AHI1: variants seen among roughly 807,000 people sequenced by gnomAD.
AHI1 encodes the protein jouberin.
Under a neutral mutation model 149.3 loss-of-function variants are expected in AHI1, and 123 were observed. That is an observed-to-expected ratio of 0.82 (90% CI 0.71 to 0.96). AHI1 has a LOEUF of 0.96. Among genes scored for constraint, AHI1 ranks in the 40% least tolerant of loss-of-function variants. The pLI is 0.00. For synonymous variants in AHI1, 475 were observed against 459.8 expected (o/e 1.03, Z -0.42); for missense variants, 1,439 against 1,422.7 (o/e 1.01, Z -0.18).
At chr6:135,375,586 A>C (rs1282566890) in intron 23 of AHI1, among the ~76,000 whole-genome samples, 1 of 152,362 alleles carries the variant, frequency 6.6e-6, no homozygotes, top group Middle Eastern at 3.4e-3. Context: ...GCAAAGTCAA[A>C]AGCCAAATGA....
intron 25 of AHI1, among the ~76,000 whole-genome samples, chr6:135,319,183 C>T (rs150318127): frequency 3.9e-3 from 589 of 152,254 alleles, no homozygotes; most frequent in Admixed American, 6.2e-3. Context: ...GTCAGAGGTA[C>T]GCAGAAAAAC....
intron 5 of AHI1, among the ~76,000 whole-genome samples, chr6:135,485,846 T>C (rs192195911): frequency 1.3e-5 from 2 of 152,256 alleles, no homozygotes; most frequent in Non-Finnish European, 1.5e-5. Flanking sequence ...CACACTGGCA[T>C]AACAGGGAGC....
In AHI1 at chr6:135,429,923, G is replaced by T; in HGVS notation, c.2451C>A (p.Ile817=). Residue 817 remains isoleucine, a synonymous_variant, in exon 18 of 29, where the codon ATC becomes ATA. Transcript: ENST00000265602. ...TTCTCAAAGTACTGTCTTTGGTATG[G>T]ATTAACAAACGTTTTCCATTGGGAT... ...EIHPNGKRLL[I]HTKDSTLRIM... is the part of the protein sequence containing the mutation. 1.3e-6 allele frequency: 2 copies of T among 1,589,852 alleles called. No individual in the cohort carries two copies. Among genetic ancestry groups the T allele is most frequent in the Admixed American group, 1.7e-5 (1 of 58,218 alleles).
intron 26 of AHI1, chr6:135,302,140 C>A (rs536300719): frequency 9.1e-6 from 9 of 984,772 alleles, no homozygotes; most frequent in Non-Finnish European, 1.1e-5. Context: ...TACAGGTGTG[C>A]GCCTCCATGT....
intron 5 of AHI1, among the ~76,000 whole-genome samples, chr6:135,487,390 G>C (rs1348273602): frequency 2.0e-5 from 3 of 152,146 alleles, no homozygotes; most frequent in Middle Eastern, 6.8e-3. Flanking sequence ...ATTTGGTTCT[G>C]TTCTCTCACA....
intron 27 of AHI1, among the ~76,000 whole-genome samples, chr6:135,299,364 C>T (rs2128349602): frequency 6.6e-6 from 1 of 152,188 alleles, no homozygotes; most frequent in African/African-American, 2.4e-5. Flanking sequence ...TTCAAATTGC[C>T]AAAGCATATA....
chr6:135,356,799 T>G (rs1423677347), intron 24 of AHI1, among the ~76,000 whole-genome samples: 7 of 152,212 alleles, frequency 4.6e-5, no homozygotes, highest in African/African-American at 1.7e-4. Flanking sequence ...CCTCATGTAC[T>G]GGTCTTTTCT....
In AHI1 at chr6:135,491,613, TTC is replaced by T. The variant is rs1190066094; in HGVS notation, c.10+613_10+614del. ...TTATATCTATATAAAGAAACATATT[TTC>T]TGTTTCCCCCATAACTACATCCCCA... On this transcript the variant is annotated intron_variant, in intron 4 of 28. Coordinates refer to ENST00000265602, the MANE Select transcript of AHI1 (RefSeq NM_001134831.2). Among the ~76,000 whole-genome samples the T allele has an allele frequency of 3.9e-5, 6 of 152,352 alleles. No individual in the cohort carries two copies. In the South Asian group the frequency reaches 1.0e-3, roughly 26 times the overall value.
Position 135,447,050 on chromosome 6 carries a change from T to C in AHI1, c.1737A>G (p.Glu579=). ...TCCACTTTATTACTTCCTTTGACTC[T>C]TCTAATCCAGGTTCTGTGTCTACTG... ...SSSVDTEPGL[E]ESKEVIKWKR... is the part of the protein sequence containing the mutation. The change falls in exon 13 of 29, where the codon GAA becomes GAG. Residue 579 remains glutamate, a synonymous_variant. Coordinates refer to ENST00000265602, the MANE Select transcript of AHI1 (RefSeq NM_001134831.2). The C allele has an allele frequency of 6.2e-7, 1 of 1,611,478 alleles. No homozygotes were observed. The highest frequency in any genetic ancestry group is 8.5e-7 in the Non-Finnish European group (1 of 1,178,410).
chr6:135,457,029 A>G (rs535424259), intron 9 of AHI1, among the ~76,000 whole-genome samples: 21 of 152,298 alleles, frequency 1.4e-4, no homozygotes, highest in Non-Finnish European at 5.9e-5. Flanking sequence ...ACGGTGGGTC[A>G]TGCCTGTAAT....
At chr6:135,302,774 G>C (rs916494130) in intron 26 of AHI1, 1 of 1,288,720 alleles carries the variant, frequency 7.8e-7, no homozygotes, top group Middle Eastern at 2.1e-4. Context: ...CAGAAGCAGG[G>C]GGAAGAAGGA....
chr6:135,340,559 G>C (rs1051919992), intron 24 of AHI1, among the ~76,000 whole-genome samples: 1 of 149,720 alleles, frequency 6.7e-6, no homozygotes, highest in South Asian at 2.1e-4. Context: ...TGAAATGAAA[G>C]AGCACTGACA....
chr6:135,423,614 A>T (rs1351836286), intron 20 of AHI1, among the ~76,000 whole-genome samples: 1 of 152,142 alleles, frequency 6.6e-6, no homozygotes, highest in Non-Finnish European at 1.5e-5. Context: ...AATGTAATCA[A>T]CTACTTAGGA....
intron 11 of AHI1, among the ~76,000 whole-genome samples, chr6:135,451,866 T>C (rs1284271272): frequency 2.6e-5 from 4 of 152,062 alleles, no homozygotes; most frequent in African/African-American, 9.7e-5. Flanking sequence ...TGGCTTTTTT[T>C]CTTTGCTCTA....
intron 23 of AHI1, among the ~76,000 whole-genome samples, chr6:135,374,716 CA>C (rs1775643663): frequency 6.6e-6 from 1 of 151,870 alleles, no homozygotes; most frequent in Non-Finnish European, 1.5e-5. Context: ...ATAAATACAA[CA>C]AAAAATGTGT....
chr6:135,395,573 C>G lies in AHI1; in HGVS notation c.2989-677G>C, dbSNP rs772567032. Among the ~76,000 whole-genome samples the G allele has an allele frequency of 7.9e-5, 12 of 151,988 alleles. No individual in the cohort carries two copies. The South Asian group carries it at 1.5e-3, about 18-fold the overall frequency. The stretch of plus-strand genomic sequence containing the variant: ...AATAAACACAACATTTTAACTATAG[C>G]TCTTGTAGGAAAATAAATAGTTCAC... On this transcript the variant is annotated intron_variant, in intron 22 of 28. Coordinates refer to ENST00000265602, the MANE Select transcript of AHI1 (RefSeq NM_001134831.2).
chr6:135,402,728 T>C (rs1381938498), intron 22 of AHI1, among the ~76,000 whole-genome samples: 1 of 152,216 alleles, frequency 6.6e-6, no homozygotes, highest in Non-Finnish European at 1.5e-5. Context: ...CTTTGCTTAA[T>C]GAATAGTAAA....
At chr6:135,403,597 T>C (rs1200463579) in intron 22 of AHI1, among the ~76,000 whole-genome samples, 1 of 152,170 alleles carries the variant, frequency 6.6e-6, no homozygotes, top group African/African-American at 2.4e-5. Flanking sequence ...GAGTATGCAG[T>C]ACATTTGTTA....
At chr6:135,359,096 C>T (rs1249248662) in intron 23 of AHI1, among the ~76,000 whole-genome samples, 1 of 152,170 alleles carries the variant, frequency 6.6e-6, no homozygotes, top group Non-Finnish European at 1.5e-5. Context: ...GCATATGACT[C>T]ATTTTTCTTA....
Sources: gnomAD v4.1 joint callset for allele counts (sites outside exome capture counted in the v4.1 genomes callset) on GRCh38, gnomAD v4.1.1 for gene constraint, MANE v1.5 for transcripts, NCBI Gene and HGNC (gene_info 2026-07-23, HGNC 2026-07-21) for gene names.